GTF2A2: variants seen among roughly 807,000 people sequenced by gnomAD.
GTF2A2 encodes transcription initiation factor IIA subunit 2.
GTF2A2 carries 9 observed loss-of-function variants against 14.3 expected under a neutral mutation model. The observed-to-expected ratio is 0.63, with a 90% CI of 0.38 to 1.10. GTF2A2 has a LOEUF of 1.10. Among genes scored for constraint, GTF2A2 ranks in the 50% least tolerant of loss-of-function variants. The pLI is 0.01. For missense variants in GTF2A2, 90 were observed against 124.6 expected (o/e 0.72, Z 1.32); for synonymous variants, 56 against 46.0 (o/e 1.22, Z -0.88).
At chr15:59,642,340 T>C (rs1595667594) in intron 3 of GTF2A2, 78 bp from the exon 4 acceptor site, 2 of 1,267,316 alleles carry the variant, frequency 1.6e-6, no homozygotes, top group Non-Finnish European at 2.2e-6. Flanking sequence ...TTAAGAGATC[T>C]TAGCTACCAA....
chr15:59,640,271 A>C (rs11071463), intron 4 of GTF2A2: 147,565 of 152,276 alleles, frequency 0.97, 71,678 homozygotes, highest in East Asian at 1. Context: ...TAGTAAAGAG[A>C]AACACACTCT....
intron 1 of GTF2A2, among the ~76,000 whole-genome samples, chr15:59,653,334 G>T (rs1303405987): frequency 6.6e-6 from 1 of 152,106 alleles, no homozygotes; most frequent in Admixed American, 6.6e-5. Flanking sequence ...AGATGGATGG[G>T]GGAAAATACA....
chr15:59,648,425 A>G lies in GTF2A2; in HGVS notation c.177+2244T>C, dbSNP rs1371378073. Reference sequence around the variant, plus strand: ...TCAAAAAAAAAAAAAAAAAAGAATAAATAAATAAATAAAAGCCTAGCCTAG... The same window carrying G: ...TCAAAAAAAAAAAAAAAAAAGAATAGATAAATAAATAAAAGCCTAGCCTAG... On this transcript the variant is annotated intron_variant, in intron 3 of 4. Coordinates refer to ENST00000396060, the MANE Select transcript of GTF2A2 (RefSeq NM_004492.3). Among the ~76,000 whole-genome samples, 4 of 149,894 alleles carry G rather than the reference A, an allele frequency of 2.7e-5. No homozygotes were observed. In the East Asian group the frequency reaches 7.8e-4, roughly 29 times the overall value.
chr15:59,650,722 T>C lies in GTF2A2; in HGVS notation c.124A>G (p.Lys42Glu). ...LALQVLLQFD[K>E]AINAALAQRV... ...TGAGCCAGTGCTGCATTTATAGCCT[T>C]ATCAAACTGAAGTAGAACTTGAAGG... Residue 42 changes from lysine to glutamate, a missense_variant, in exon 3 of 5, where the codon AAG becomes GAG. Lys to Glu is a moderately conservative substitution (Grantham distance 56). Transcript: ENST00000396060. 6.2e-7 allele frequency: 1 copy of C among 1,612,084 alleles called. No homozygotes were observed. The highest frequency in any genetic ancestry group is 1.1e-5 in the South Asian group (1 of 91,040).
chr15:59,643,613 T>C (rs1297331591), intron 3 of GTF2A2, among the ~76,000 whole-genome samples: 2 of 150,096 alleles, frequency 1.3e-5, no homozygotes, highest in Non-Finnish European at 1.5e-5. Context: ...TTTTTTTTTT[T>C]TGGAGATGGA....
chr15:59,644,857 T>A (rs545633654), intron 3 of GTF2A2, among the ~76,000 whole-genome samples: 1 of 152,158 alleles, frequency 6.6e-6, no homozygotes, highest in Non-Finnish European at 1.5e-5. Context: ...CTAACGGTAC[T>A]GGGAAGTCAG....
chr15:59,646,578 T>G (rs1209527070), intron 3 of GTF2A2, among the ~76,000 whole-genome samples: 9 of 152,170 alleles, frequency 5.9e-5, no homozygotes, highest in Non-Finnish European at 2.9e-5. Context: ...ATATAAAGCA[T>G]TTTAGATGTA....
At chr15:59,654,379 T>C (rs189620625) in intron 1 of GTF2A2, among the ~76,000 whole-genome samples, 3 of 152,206 alleles carry the variant, frequency 2.0e-5, no homozygotes, top group Non-Finnish European at 4.4e-5. Flanking sequence ...TCCAAATACC[T>C]GCATAGTTCA....
intron 4 of GTF2A2, among the ~76,000 whole-genome samples, chr15:59,641,264 CAAA>C (rs1205363257): frequency 1.1e-4 from 16 of 148,386 alleles, no homozygotes; most frequent in South Asian, 4.2e-4. Flanking sequence ...TACATTTTTG[CAAA>C]AAAAAGTTAT....
chr15:59,639,811 C>G (rs771237914), intron 4 of GTF2A2, among the ~76,000 whole-genome samples: 11 of 151,914 alleles, frequency 7.2e-5, no homozygotes, highest in African/African-American at 2.7e-4. Flanking sequence ...AGTGCAGTAG[C>G]GCAATCTCAG....
chr15:59,641,455 T>C (rs1218492130), intron 4 of GTF2A2, among the ~76,000 whole-genome samples: 1 of 152,190 alleles, frequency 6.6e-6, no homozygotes, highest in Non-Finnish European at 1.5e-5. Flanking sequence ...TTCTCTTGCT[T>C]TTCAAAACTC....
At chr15:59,643,978 T>C (rs1412607914) in intron 3 of GTF2A2, among the ~76,000 whole-genome samples, 1 of 152,182 alleles carries the variant, frequency 6.6e-6, no homozygotes, top group Non-Finnish European at 1.5e-5. Context: ...AACTGCAACC[T>C]CTGTCTCCCA....
intron 3 of GTF2A2, among the ~76,000 whole-genome samples, chr15:59,646,822 TAAGA>T (rs1891623172): frequency 6.6e-6 from 1 of 152,134 alleles, no homozygotes; most frequent in Non-Finnish European, 1.5e-5. Flanking sequence ...AAGGTAAACG[TAAGA>T]AATAATATAA....
At chr15:59,650,063 G>C (rs1891744490) in intron 3 of GTF2A2, among the ~76,000 whole-genome samples, 1 of 152,208 alleles carries the variant, frequency 6.6e-6, no homozygotes, top group East Asian at 1.9e-4. Context: ...TATTTCTGTT[G>C]CACCATGACT....
chr15:59,654,820 C>T (rs1182953102), intron 1 of GTF2A2, among the ~76,000 whole-genome samples: 1 of 152,198 alleles, frequency 6.6e-6, no homozygotes, highest in East Asian at 1.9e-4. Flanking sequence ...ATCTGAAATG[C>T]TTGGGACCTG....
At chr15:59,641,217 A>G (rs1166155765) in intron 4 of GTF2A2, among the ~76,000 whole-genome samples, 3 of 147,708 alleles carry the variant, frequency 2.0e-5, no homozygotes, top group African/African-American at 7.5e-5. Context: ...TAAGAGTAGT[A>G]AACTCAAAAA....
intron 4 of GTF2A2, 31 bp downstream of exon 4, chr15:59,642,104 GT>G: frequency 6.4e-7 from 1 of 1,574,606 alleles, no homozygotes; most frequent in Non-Finnish European, 8.6e-7. Context: ...AAGGTTTCAA[GT>G]AGCTTTCACA....
In GTF2A2 at chr15:59,652,134, C is replaced by G. The variant is rs1012507902; in HGVS notation, c.72+72G>C. On this transcript the variant is annotated intron_variant, in intron 2 of 4. Transcript: ENST00000396060. ...GATATTTTACCTCATATCTCTTTGC[C>G]TAAGTGATATGACAAGAATTACTGT... 1.1e-5 allele frequency: 9 copies of G among 855,810 alleles called. No individual in the cohort carries two copies. The African/African-American group carries it at 1.4e-4, about 13-fold the overall frequency. 53.0% of individuals were successfully genotyped at this position (855,810 alleles called of 1,614,324 possible). A position where few individuals can be genotyped will look rare whatever the true frequency, so the allele number is the denominator to read the frequency against.
chr15:59,648,348 C>T (rs1358360901), intron 3 of GTF2A2, among the ~76,000 whole-genome samples: 3 of 135,312 alleles, frequency 2.2e-5, no homozygotes, highest in Non-Finnish European at 1.5e-5. Context: ...GCAGAGGTTG[C>T]AGTGAGCCGA....
Sources: gnomAD v4.1 joint callset for allele counts (sites outside exome capture counted in the v4.1 genomes callset) on GRCh38, gnomAD v4.1.1 for gene constraint, MANE v1.5 for transcripts, NCBI Gene and HGNC (gene_info 2026-07-23, HGNC 2026-07-21) for gene names.